CBR4: variants seen among roughly 807,000 people sequenced by gnomAD.
CBR4 encodes the protein 3-oxoacyl-[acyl-carrier-protein] reductase.
Under a neutral mutation model 21.0 loss-of-function variants are expected in CBR4, and 22 were observed. The observed-to-expected ratio is 1.05, with a 90% CI of 0.75 to 1.50. CBR4 has a LOEUF of 1.50. CBR4 is among the 40% of genes most tolerant of loss of function. The probability of loss-of-function intolerance (pLI) is 0.00; values close to 1 mark genes in which losing one functional copy is unlikely to be tolerated. For synonymous variants in CBR4, 100 were observed against 104.4 expected, an observed-to-expected ratio of 0.96 and a Z score of 0.26; for missense variants, 302 against 286.3, an observed-to-expected ratio of 1.05 and a Z score of -0.40.
intron 2 of CBR4, among the ~76,000 whole-genome samples, chr4:168,967,795 G>A (rs1404872647): frequency 6.6e-6 from 1 of 152,182 alleles, no homozygotes; most frequent in Non-Finnish European, 1.5e-5. Flanking sequence ...AGAAATTCTA[G>A]AGTGCTGTTG....
At chr4:168,973,646 T>G (rs1764281620) in intron 2 of CBR4, among the ~76,000 whole-genome samples, 1 of 152,216 alleles carries the variant, frequency 6.6e-6, no homozygotes, top group African/African-American at 2.4e-5. Context: ...TCTTTGAATG[T>G]TGATAGAATT....
chr4:168,901,750 C>CA (rs1207289274), intron 2 of CBR4, among the ~76,000 whole-genome samples: 6 of 152,068 alleles, frequency 3.9e-5, no homozygotes, highest in African/African-American at 1.5e-4. Context: ...CCCAGCTACT[C>CA]AGGAGGCTGA....
At chr4:168,986,194 G>T (rs139467832), downstream of CBR4, among the ~76,000 whole-genome samples, 272 of 152,282 alleles carry the variant, frequency 1.8e-3, no homozygotes, top group African/African-American at 6.3e-3. Context: ...ATCTAGAGAT[G>T]ATGTAAAGTA....
chr4:168,909,494 T>G (rs183389309), intron 2 of CBR4, among the ~76,000 whole-genome samples: 68 of 152,332 alleles, frequency 4.5e-4, no homozygotes, highest in Middle Eastern at 3.4e-3. Context: ...TGGATTTGTT[T>G]GGAATGGAAA....
chr4:168,975,896 C>A (rs1237929337), intron 2 of CBR4, among the ~76,000 whole-genome samples: 1 of 152,060 alleles, frequency 6.6e-6, no homozygotes, highest in African/African-American at 2.4e-5. Context: ...CAGACCTCAC[C>A]CAACTCCCCC....
At chr4:168,923,483 C>T (rs1761980509) in intron 2 of CBR4, among the ~76,000 whole-genome samples, 1 of 152,022 alleles carries the variant, frequency 6.6e-6, no homozygotes, top group South Asian at 2.1e-4. Context: ...TACTTTCCAC[C>T]ACTACTACAA....
At chr4:168,937,865 G>A (rs1441247493) in intron 2 of CBR4, among the ~76,000 whole-genome samples, 2 of 152,162 alleles carry the variant, frequency 1.3e-5, no homozygotes, top group Non-Finnish European at 2.9e-5. Context: ...ATAATAGTGG[G>A]AGACTTTAAC....
chr4:168,998,770 G>C (rs1765327362), intron 4 of CBR4, among the ~76,000 whole-genome samples: 1 of 152,112 alleles, frequency 6.6e-6, no homozygotes, highest in Admixed American at 6.5e-5. Flanking sequence ...AAGGTATCTT[G>C]TTCTATGAAT....
intron 2 of CBR4, among the ~76,000 whole-genome samples, chr4:168,900,541 T>C (rs1377747026): frequency 6.6e-6 from 1 of 152,168 alleles, no homozygotes. Flanking sequence ...GATAAAAAAA[T>C]ACCTGACACT....
At chr4:169,006,973 G>A (rs1199587224) in intron 2 of CBR4, 82 bp from the exon 3 acceptor site, 4 of 1,087,132 alleles carry the variant, frequency 3.7e-6, no homozygotes, top group Non-Finnish European at 5.5e-6. Context: ...CATTTTTACT[G>A]AGAGTGCAAG....
At chr4:168,993,159 T>C (rs1363278019) in intron 4 of CBR4, among the ~76,000 whole-genome samples, 1 of 151,148 alleles carries the variant, frequency 6.6e-6, no homozygotes, top group Non-Finnish European at 1.5e-5. Flanking sequence ...AAGAACAATA[T>C]CATGGGGGTT....
In CBR4 at chr4:168,943,811, G is replaced by A. The variant is rs189057996; in HGVS notation, n.170-49046C>T. Among the ~76,000 whole-genome samples the A allele has an allele frequency of 4.8e-3, 736 of 152,306 alleles. 7 individuals carry two copies. Among genetic ancestry groups the A allele is most frequent in the Admixed American group, 5.5e-3 (84 of 15,292 alleles). ...TGTAGTCCCAGCTACTCAGGAAGCTGAAGTAGGAGGATCGCTTGAACCCGA... is the reference window on the plus strand; with the variant it reads ...TGTAGTCCCAGCTACTCAGGAAGCTAAAGTAGGAGGATCGCTTGAACCCGA... On this transcript the variant is annotated intron_variant and non_coding_transcript_variant, in intron 2 of 3. Transcript: ENST00000509108.
chr4:169,001,178 C>G (rs1376024740), intron 4 of CBR4: 1 of 149,340 alleles, frequency 6.7e-6, no homozygotes, highest in African/African-American at 2.5e-5. Flanking sequence ...TCGGTACAGA[C>G]AGCATCTTGC....
Position 168,988,793 on chromosome 4 carries a change from C to G in CBR4, c.*1357G>C. The G allele has an allele frequency of 1.0e-6, 1 of 953,910 alleles. No homozygotes were observed. Among genetic ancestry groups the G allele is most frequent in the Non-Finnish European group, 1.2e-6 (1 of 801,382 alleles). The allele number at this position is 953,910 out of a possible 1,614,324, so 59.1% of individuals were successfully genotyped here. A position where few individuals can be genotyped will look rare whatever the true frequency, so the allele number is the denominator to read the frequency against. The stretch of plus-strand genomic sequence containing the variant: ...AAATTTAAAATAATTTTTAAGGAAC[C>G]CAGAATTTTTATTTAGAACACTGCT... On this transcript the variant is annotated 3_prime_UTR_variant, in exon 5 of 5. Transcript: ENST00000306193.
chr4:168,906,264 T>G (rs953093690), intron 2 of CBR4, among the ~76,000 whole-genome samples: 3 of 152,242 alleles, frequency 2.0e-5, no homozygotes, highest in South Asian at 2.1e-4. Flanking sequence ...AAATTGTTAT[T>G]GGAATAAGCC....
chr4:168,955,801 A>C (rs182848576), intron 2 of CBR4, among the ~76,000 whole-genome samples: 180 of 152,304 alleles, frequency 1.2e-3, no homozygotes, highest in African/African-American at 4.1e-3. Flanking sequence ...CTAGAGCATA[A>C]AAGCTGCCAG....
intron 2 of CBR4, among the ~76,000 whole-genome samples, chr4:168,929,521 A>C (rs1762901458): frequency 6.6e-6 from 1 of 152,204 alleles, no homozygotes; most frequent in African/African-American, 2.4e-5. Context: ...AACATGCATA[A>C]CATGACAATC....
downstream of CBR4, among the ~76,000 whole-genome samples, chr4:168,984,337 C>A (rs982398121): frequency 7.2e-5 from 11 of 152,030 alleles, no homozygotes; most frequent in Non-Finnish European, 1.5e-4. Flanking sequence ...CTTAGCAATA[C>A]AGCTAACCAG....
At chr4:168,917,232 T>C (rs1760357202) in intron 2 of CBR4, among the ~76,000 whole-genome samples, 1 of 151,596 alleles carries the variant, frequency 6.6e-6, no homozygotes, top group South Asian at 2.1e-4. Context: ...GTATCTTTAG[T>C]ACAGACGGGG....
Sources: gnomAD v4.1 joint callset for allele counts (sites outside exome capture counted in the v4.1 genomes callset) on GRCh38, gnomAD v4.1.1 for gene constraint, MANE v1.5 for transcripts, NCBI Gene and HGNC (gene_info 2026-07-23, HGNC 2026-07-21) for gene names.